The following SLC25A48 variants were observed in gnomAD, a reference collection of about 807,000 sequenced individuals.
SLC25A48 encodes the protein CTC-321K16.1.
A neutral mutation model predicts 32.2 loss-of-function variants in SLC25A48; 29 were observed. The observed-to-expected ratio is 0.90, with a 90% CI of 0.67 to 1.23. The LOEUF (loss-of-function observed/expected upper bound fraction) is 1.23. Among genes scored for constraint, SLC25A48 ranks in the 50% most tolerant of loss-of-function variants. SLC25A48 has a pLI of 0.00. For synonymous variants in SLC25A48, 164 were observed against 172.3 expected, an observed-to-expected ratio of 0.95 and a Z score of 0.38; for missense variants, 399 against 422.7, an observed-to-expected ratio of 0.94 and a Z score of 0.49.
intron 3 of SLC25A48, among the ~76,000 whole-genome samples, chr5:135,698,375 A>G (rs1316131367): frequency 6.6e-6 from 1 of 152,222 alleles, no homozygotes; most frequent in African/African-American, 2.4e-5. Context: ...GCCTGTTGTC[A>G]GTCAGCAGAA....
At chr5:135,822,769 A>G (rs1214535227) in intron 4 of SLC25A48, among the ~76,000 whole-genome samples, 1 of 152,190 alleles carries the variant, frequency 6.6e-6, no homozygotes, top group East Asian at 1.9e-4. Context: ...AACAGAGCAC[A>G]GGCTTCAGAG....
At chr5:135,592,550 A>G (rs888307659) in intron 1 of SLC25A48, among the ~76,000 whole-genome samples, 2 of 152,206 alleles carry the variant, frequency 1.3e-5, no homozygotes, top group African/African-American at 4.8e-5. Flanking sequence ...GCTTGAGGAA[A>G]TAGCTCATGA....
intron 3 of SLC25A48, among the ~76,000 whole-genome samples, chr5:135,652,079 G>A (rs1277497840): frequency 6.6e-6 from 1 of 152,216 alleles, no homozygotes; most frequent in Non-Finnish European, 1.5e-5. Flanking sequence ...TGCTCAATGG[G>A]ACCATGAACA....
rs527667714 is a variant in SLC25A48 at position 135,658,302 on chromosome 5, C to A, written c.-521+23346C>A. Among the ~76,000 whole-genome samples, 13 of 152,314 alleles carry A rather than the reference C, an allele frequency of 8.5e-5. No individual in the cohort carries two copies. In the South Asian group the frequency reaches 1.7e-3, roughly 19 times the overall value. ...CTACAGGCTCTGTGCAAGTCTGAAACCCAGCAAGGCAGTCATTAAATTTTA... is the reference window on the plus strand; with the variant it reads ...CTACAGGCTCTGTGCAAGTCTGAAAACCAGCAAGGCAGTCATTAAATTTTA... On this transcript the variant is annotated intron_variant, in intron 3 of 10. Transcript: ENST00000646290.
intron 5 of SLC25A48, chr5:135,871,966 T>C: frequency 7.1e-7 from 1 of 1,410,410 alleles, no homozygotes; most frequent in Non-Finnish European, 9.3e-7. Flanking sequence ...TTTGAACACA[T>C]ACTCTGTGTC....
intron 3 of SLC25A48, among the ~76,000 whole-genome samples, chr5:135,726,519 T>C (rs1755092983): frequency 6.6e-6 from 1 of 152,228 alleles, no homozygotes; most frequent in Non-Finnish European, 1.5e-5. Flanking sequence ...GTTCTCCATG[T>C]CTGTAATTTT....
At chr5:135,788,826 C>A in intron 3 of SLC25A48, among the ~76,000 whole-genome samples, 1 of 150,472 alleles carries the variant, frequency 6.6e-6, no homozygotes, top group Admixed American at 6.6e-5. Context: ...ACACCCCCCT[C>A]CCTGCCATAT....
chr5:135,874,422 G>A (rs779633402), intron 6 of SLC25A48, among the ~76,000 whole-genome samples: 5 of 152,330 alleles, frequency 3.3e-5, no homozygotes, highest in South Asian at 4.1e-4. Context: ...CCATGGTGGC[G>A]CCTGGGCCTG....
chr5:135,607,725 A>C (rs1225925127), intron 1 of SLC25A48, among the ~76,000 whole-genome samples: 1 of 152,246 alleles, frequency 6.6e-6, no homozygotes, highest in Non-Finnish European at 1.5e-5. Context: ...TTTCTTAGCA[A>C]ATAGTGATTT....
chr5:135,783,550 G>C (rs1244331890), intron 3 of SLC25A48, among the ~76,000 whole-genome samples: 1 of 118,162 alleles, frequency 8.5e-6, no homozygotes, highest in Non-Finnish European at 2.1e-5. Flanking sequence ...TATGGCAGGG[G>C]GTGTACACCC....
At chr5:135,605,688 T>A (rs1751917375) in intron 1 of SLC25A48, among the ~76,000 whole-genome samples, 1 of 152,248 alleles carries the variant, frequency 6.6e-6, no homozygotes, top group South Asian at 2.1e-4. Context: ...GAAGTGGTAG[T>A]GAACTTGGAA....
Position 135,749,703 on chromosome 5 carries a change from T to C in SLC25A48, c.-520-62820T>C, listed in dbSNP as rs183866035. ...GCCTCCCGGGTTCAAGCGATTCTCC[T>C]GTCTCAGCTTCCTAAGTAGCCGCGA... On this transcript the variant is annotated intron_variant, in intron 3 of 10. Transcript: ENST00000646290. 3.3e-3 allele frequency among the ~76,000 whole-genome samples: 500 copies of C among 152,276 alleles called. 1 individual carries two copies. Among genetic ancestry groups the C allele is most frequent in the Non-Finnish European group, 5.8e-3 (396 of 68,016 alleles).
intron 3 of SLC25A48, among the ~76,000 whole-genome samples, chr5:135,640,484 T>C (rs550382311): frequency 7.2e-5 from 11 of 151,736 alleles, no homozygotes; most frequent in East Asian, 1.9e-4. Flanking sequence ...TGAAAACAAA[T>C]AAAAAAGAAT....
intron 1 of SLC25A48, among the ~76,000 whole-genome samples, chr5:135,622,969 C>T (rs1230663422): frequency 2.0e-5 from 3 of 152,094 alleles, no homozygotes; most frequent in Non-Finnish European, 4.4e-5. Flanking sequence ...GCTGAATATG[C>T]GGGGGCTTGG....
intron 3 of SLC25A48, among the ~76,000 whole-genome samples, chr5:135,699,736 T>G (rs1300312722): frequency 6.6e-6 from 1 of 152,246 alleles, no homozygotes; most frequent in Non-Finnish European, 1.5e-5. Flanking sequence ...AGCACAGTGA[T>G]AGACTGCCTA....
chr5:135,756,815 C>T (rs1168972475), intron 3 of SLC25A48, among the ~76,000 whole-genome samples: 1 of 151,314 alleles, frequency 6.6e-6, no homozygotes, highest in Non-Finnish European at 1.5e-5. Context: ...AAAATATCAT[C>T]TAGATGATAT....
intron 1 of SLC25A48, among the ~76,000 whole-genome samples, chr5:135,619,912 G>A (rs1752282863): frequency 6.6e-6 from 1 of 152,114 alleles, no homozygotes; most frequent in African/African-American, 2.4e-5. Context: ...GCCTGTCCTT[G>A]GGTCCCACAA....
chr5:135,886,290 C>T (rs898958242), intron 7 of SLC25A48, among the ~76,000 whole-genome samples: 1 of 151,116 alleles, frequency 6.6e-6, no homozygotes, highest in African/African-American at 2.4e-5. Context: ...AGTAACAGCC[C>T]CTGCCACACC....
intron 4 of SLC25A48, chr5:135,824,963 G>C (rs1343102507): frequency 3.9e-5 from 6 of 152,286 alleles, no homozygotes; most frequent in Admixed American, 3.9e-4. Context: ...AGGTGTCACT[G>C]GTTGGGAGCA....
Sources: gnomAD v4.1 joint callset for allele counts (sites outside exome capture counted in the v4.1 genomes callset) on GRCh38, gnomAD v4.1.1 for gene constraint, MANE v1.5 for transcripts, NCBI Gene and HGNC (gene_info 2026-07-23, HGNC 2026-07-21) for gene names.